OR3A2: variants seen among roughly 807,000 people sequenced by gnomAD.
The protein encoded by OR3A2 is olfactory receptor 3A2.
For synonymous variants in OR3A2, 126 were observed against 159.3 expected, an observed-to-expected ratio of 0.79 and a Z score of 1.57; for missense variants, 318 against 392.8, an observed-to-expected ratio of 0.81 and a Z score of 1.61.
chr17:3,319,300 C>T (rs958515252), intron 3 of OR3A2, among the ~76,000 whole-genome samples: 7 of 152,054 alleles, frequency 4.6e-5, no homozygotes, highest in African/African-American at 1.7e-4. Context: ...ATATTTTAGG[C>T]ATTGGGGGCC....
At chr17:3,340,208 A>C (rs571606044) in intron 2 of OR3A2, among the ~76,000 whole-genome samples, 1 of 152,136 alleles carries the variant, frequency 6.6e-6, no homozygotes, top group African/African-American at 2.4e-5. Flanking sequence ...TGATCTTTTC[A>C]AAAAAACAGC....
At chr17:3,339,659 T>C (rs1277020717) in intron 2 of OR3A2, among the ~76,000 whole-genome samples, 3 of 152,200 alleles carry the variant, frequency 2.0e-5, no homozygotes, top group Non-Finnish European at 4.4e-5. Flanking sequence ...TTTGATGTGC[T>C]GCTGGATTCA....
chr17:3,322,321 C>CT (rs1179339944), intron 3 of OR3A2, among the ~76,000 whole-genome samples: 16 of 152,064 alleles, frequency 1.1e-4, no homozygotes, highest in African/African-American at 3.6e-4. Flanking sequence ...TTCAAAAAAC[C>CT]ACTCCTGGAT....
intron 1 of OR3A2, among the ~76,000 whole-genome samples, chr17:3,385,670 G>A (rs888353683): frequency 6.6e-6 from 1 of 152,016 alleles, no homozygotes; most frequent in African/African-American, 2.4e-5. Context: ...ATTCAAAGCA[G>A]GTCTGACCTA....
chr17:3,385,932 G>A (rs2049773387), intron 1 of OR3A2, 193 bp downstream of exon 1: 2 of 398,626 alleles, frequency 5.0e-6, no homozygotes, highest in Non-Finnish European at 8.8e-6. Context: ...TCCACTCCAT[G>A]GCTCCGACCA....
intron 3 of OR3A2, among the ~76,000 whole-genome samples, chr17:3,297,704 C>A (rs894772170): frequency 6.8e-6 from 1 of 147,800 alleles, no homozygotes; most frequent in African/African-American, 2.7e-5. Flanking sequence ...CCTTGTGTCA[C>A]ACTTTGCATA....
chr17:3,308,596 C>T (rs1389572627), intron 3 of OR3A2, among the ~76,000 whole-genome samples: 1 of 152,162 alleles, frequency 6.6e-6, no homozygotes, highest in Non-Finnish European at 1.5e-5. Flanking sequence ...GATGGCAATG[C>T]TGCTACCAAA....
intron 3 of OR3A2, chr17:3,310,435 T>A (rs751538060): frequency 3.7e-6 from 2 of 535,470 alleles, no homozygotes; most frequent in Admixed American, 1.9e-5. Flanking sequence ...GTCACTACCA[T>A]TGGAGGCACC....
chr17:3,360,196 T>C (rs1194362172), intron 2 of OR3A2, among the ~76,000 whole-genome samples: 1 of 151,868 alleles, frequency 6.6e-6, no homozygotes, highest in Non-Finnish European at 1.5e-5. Context: ...TTTTCATGTG[T>C]CTGTTGGCTG....
chr17:3,283,436 G>T (rs2048789297), intron 1 of OR3A2, among the ~76,000 whole-genome samples: 1 of 152,160 alleles, frequency 6.6e-6, no homozygotes, highest in Non-Finnish European at 1.5e-5. Context: ...TGTTGATCAG[G>T]CTGGTCTCGA....
chr17:3,306,126 G>A (rs1656101364), intron 3 of OR3A2, among the ~76,000 whole-genome samples: 1 of 150,896 alleles, frequency 6.6e-6, no homozygotes, highest in Admixed American at 6.6e-5. Context: ...AGCTCCACTG[G>A]AGGCTCTGCC....
At chr17:3,282,241 C>T (rs1302769728) in intron 1 of OR3A2, among the ~76,000 whole-genome samples, 1 of 152,066 alleles carries the variant, frequency 6.6e-6, no homozygotes, top group African/African-American at 2.4e-5. Context: ...GGTGAAACCC[C>T]ATTCAATACA....
At chr17:3,285,176 T>G (rs2048800743), upstream of OR3A2, among the ~76,000 whole-genome samples, 1 of 152,126 alleles carries the variant, frequency 6.6e-6, no homozygotes, top group South Asian at 2.1e-4. Flanking sequence ...GGCAGGTTAA[T>G]GAACAGAAGC....
chr17:3,351,734 A>G (rs1091590), intron 2 of OR3A2, among the ~76,000 whole-genome samples: 104,150 of 150,766 alleles, frequency 0.69, 37,531 homozygotes, highest in East Asian at 1. Context: ...AGTCAATCCT[A>G]AGCCAAAAGA....
intron 2 of OR3A2, among the ~76,000 whole-genome samples, chr17:3,382,636 A>G (rs1167125296): frequency 6.6e-6 from 1 of 152,188 alleles, no homozygotes; most frequent in African/African-American, 2.4e-5. Context: ...CTAGGGAGGA[A>G]GAGGCCACAT....
chr17:3,314,847 C>A (rs79395082), intron 3 of OR3A2, among the ~76,000 whole-genome samples: 2,622 of 152,178 alleles, frequency 0.017, 78 homozygotes, highest in African/African-American at 0.059. Flanking sequence ...CACCTTCTCC[C>A]TCCTCTTTTT....
chr17:3,317,158 G>A (rs1055483308), intron 3 of OR3A2, among the ~76,000 whole-genome samples: 1 of 152,188 alleles, frequency 6.6e-6, no homozygotes, highest in Non-Finnish European at 1.5e-5. Flanking sequence ...TGGGGCTTCA[G>A]CAGCTGGAGA....
chr17:3,345,790 C>A (rs145268897), intron 2 of OR3A2, among the ~76,000 whole-genome samples: 1 of 151,966 alleles, frequency 6.6e-6, no homozygotes, highest in East Asian at 1.9e-4. Flanking sequence ...TGAGGGAGCA[C>A]CAGAGTAATA....
intron 2 of OR3A2, among the ~76,000 whole-genome samples, chr17:3,346,016 C>G (rs985025815): frequency 2.0e-5 from 3 of 152,110 alleles, no homozygotes; most frequent in South Asian, 2.1e-4. Flanking sequence ...CTTCTAACAG[C>G]AGGCTAGGTG....
Sources: allele counts gnomAD v4.1 joint callset (sites outside exome capture counted in the v4.1 genomes callset), GRCh38; gene constraint gnomAD v4.1.1; transcripts MANE v1.5; gene names NCBI Gene and HGNC (gene_info 2026-07-23, HGNC 2026-07-21).